The following EYA1 variants were observed in gnomAD, a reference collection of about 807,000 sequenced individuals.
EYA1 encodes protein phosphatase EYA1.
A neutral mutation model predicts 82.0 loss-of-function variants in EYA1; 16 were observed. The observed-to-expected ratio is 0.20, with a 90% CI of 0.13 to 0.30. EYA1 has a LOEUF of 0.30. EYA1 is among the 10% of genes least tolerant of loss of function. The pLI is 1.00. For missense variants in EYA1, 633 were observed against 730.7 expected (o/e 0.87, Z 1.54); for synonymous variants, 261 against 264.4 (o/e 0.99, Z 0.12).
rs183267635 is a variant in EYA1 at position 71,302,473 on chromosome 8, A to C, written c.557-2753T>G. 7.4e-4 allele frequency among the ~76,000 whole-genome samples: 112 copies of C among 152,198 alleles called. 1 individual carries two copies. The highest frequency in any genetic ancestry group is 3.4e-3 in the Middle Eastern group (1 of 294). ...ACTTCCAAGACTGTACATTAGCTGGAATTCAACATAAGTTATACTCATTTG... is the reference window on the plus strand; with the variant it reads ...ACTTCCAAGACTGTACATTAGCTGGCATTCAACATAAGTTATACTCATTTG... On this transcript the variant is annotated intron_variant, in intron 7 of 17. Coordinates refer to ENST00000340726, the MANE Select transcript of EYA1 (RefSeq NM_000503.6).
chr8:71,340,541 A>T (rs1056920721), intron 3 of EYA1, among the ~76,000 whole-genome samples: 1 of 152,110 alleles, frequency 6.6e-6, no homozygotes. Context: ...TTTACACGTG[A>T]CTAAATCCCA....
chr8:71,528,682 T>G (rs1814002251), intron 2 of EYA1, among the ~76,000 whole-genome samples: 1 of 152,208 alleles, frequency 6.6e-6, no homozygotes, highest in African/African-American at 2.4e-5. Flanking sequence ...AAATACATTT[T>G]AATTAAATAA....
At chr8:71,250,614 T>G (rs2128915287) in intron 11 of EYA1, among the ~76,000 whole-genome samples, 1 of 152,326 alleles carries the variant, frequency 6.6e-6, no homozygotes, top group Non-Finnish European at 1.5e-5. Context: ...AGGGTATCAA[T>G]CCTCTGAAAA....
chr8:71,232,945 G>A (rs186049645), intron 12 of EYA1, among the ~76,000 whole-genome samples: 22 of 152,240 alleles, frequency 1.4e-4, no homozygotes, highest in African/African-American at 5.1e-4. Context: ...TTTAACTCAC[G>A]CAATTCTCAC....
chr8:71,530,599 A>G (rs1347775045), intron 2 of EYA1, among the ~76,000 whole-genome samples: 1 of 152,202 alleles, frequency 6.6e-6, no homozygotes, highest in African/African-American at 2.4e-5. Flanking sequence ...TTTAGTATAA[A>G]ATTTCCCAGT....
chr8:71,381,752 C>G (rs553543612), intron 2 of EYA1, among the ~76,000 whole-genome samples: 2 of 152,168 alleles, frequency 1.3e-5, no homozygotes, highest in African/African-American at 2.4e-5. Flanking sequence ...AGAGGGACTG[C>G]AAAGAAATGT....
At chr8:71,334,427 C>A in intron 3 of EYA1, 1 of 503,944 alleles carries the variant, frequency 2.0e-6, no homozygotes, top group Non-Finnish European at 3.6e-6. Flanking sequence ...TTAAATTCAT[C>A]ATTGTTTTAC....
chr8:71,219,694 TGAAA>T (rs1350037703), intron 12 of EYA1, among the ~76,000 whole-genome samples: 7 of 152,172 alleles, frequency 4.6e-5, no homozygotes, highest in Admixed American at 3.3e-4. Context: ...TTTTAATTCA[TGAAA>T]GAATGAGGAA....
chr8:71,475,827 C>T (rs1809618576), intron 2 of EYA1, among the ~76,000 whole-genome samples: 1 of 152,140 alleles, frequency 6.6e-6, no homozygotes, highest in African/African-American at 2.4e-5. Flanking sequence ...TGAAATGGAA[C>T]CTCAAATTAT....
At chr8:71,525,182 A>G (rs888452936) in intron 2 of EYA1, among the ~76,000 whole-genome samples, 1 of 152,208 alleles carries the variant, frequency 6.6e-6, no homozygotes, top group East Asian at 1.9e-4. Flanking sequence ...CAAGCGTTCC[A>G]TCGCCTGACA....
At chr8:71,535,846 C>T in exon 2 of EYA1, 1 of 946,358 alleles carries the variant, frequency 1.1e-6, no homozygotes, top group Admixed American at 3.0e-5. Flanking sequence ...AACACCCCTG[C>T]ACCTGTGAAC....
At chr8:71,278,606 T>A (rs1394198973) in intron 9 of EYA1, among the ~76,000 whole-genome samples, 1 of 152,242 alleles carries the variant, frequency 6.6e-6, no homozygotes, top group African/African-American at 2.4e-5. Context: ...TATTCCTTTA[T>A]TGATTTATAC....
At chr8:71,473,284 A>G (rs1809372990) in intron 2 of EYA1, among the ~76,000 whole-genome samples, 1 of 151,920 alleles carries the variant, frequency 6.6e-6, no homozygotes, top group South Asian at 2.1e-4. Context: ...AATGGGAGAA[A>G]ATTTTTGCAA....
intron 2 of EYA1, among the ~76,000 whole-genome samples, chr8:71,455,383 A>T (rs1807799352): frequency 6.6e-6 from 1 of 152,222 alleles, no homozygotes; most frequent in Admixed American, 6.5e-5. Context: ...ATAGGAAAAG[A>T]GGGAATCCTC....
At chr8:71,282,584 T>C (rs75109123) in intron 9 of EYA1, among the ~76,000 whole-genome samples, 4,767 of 152,312 alleles carry the variant, frequency 0.031, 246 homozygotes, top group African/African-American at 0.11. Flanking sequence ...CTTGTGTTCC[T>C]TGGCCTCTGA....
At chr8:71,295,987 ATAAAT>A (rs572984360) in intron 9 of EYA1, among the ~76,000 whole-genome samples, 82 of 152,352 alleles carry the variant, frequency 5.4e-4, no homozygotes, top group Non-Finnish European at 1.2e-4. Flanking sequence ...TAGGCAATAA[ATAAAT>A]TAAAATCTCA....
At chr8:71,496,867 A>AT (rs1462051911) in intron 2 of EYA1, among the ~76,000 whole-genome samples, 2 of 151,816 alleles carry the variant, frequency 1.3e-5, no homozygotes, top group East Asian at 3.9e-4. Context: ...TCTACCTCAC[A>AT]TTTTTTTAAC....
At chr8:71,362,723 T>A (rs561073254), upstream of EYA1, among the ~76,000 whole-genome samples, 79 of 152,334 alleles carry the variant, frequency 5.2e-4, no homozygotes, top group African/African-American at 1.8e-3. Context: ...AGTGTTAATA[T>A]TTTTAAATGG....
chr8:71,300,731 A>C (rs1484765116), intron 7 of EYA1, among the ~76,000 whole-genome samples: 1 of 152,180 alleles, frequency 6.6e-6, no homozygotes, highest in Non-Finnish European at 1.5e-5. Context: ...ACTCCATAAC[A>C]GGTACTATTC....
Sources: gnomAD v4.1 joint callset for allele counts (sites outside exome capture counted in the v4.1 genomes callset) on GRCh38, gnomAD v4.1.1 for gene constraint, MANE v1.5 for transcripts, NCBI Gene and HGNC (gene_info 2026-07-23, HGNC 2026-07-21) for gene names.